The following UBE2R2 variants were observed in gnomAD, a reference collection of about 807,000 sequenced individuals.
UBE2R2 encodes the protein ubiquitin conjugating enzyme E2 R2, also known as ubiquitin-conjugating enzyme E2 R2.
A neutral mutation model predicts 27.8 loss-of-function variants in UBE2R2; 1 was observed. The observed-to-expected ratio is 0.04, with a 90% CI of 0.01 to 0.17. The LOEUF is 0.17. UBE2R2 is among the 10% of genes least tolerant of loss of function. The pLI is 1.00. For missense variants in UBE2R2, 100 were observed against 291.0 expected, an observed-to-expected ratio of 0.34 and a Z score of 4.78; for synonymous variants, 106 against 113.3, an observed-to-expected ratio of 0.94 and a Z score of 0.41.
At chr9:33,852,057 A>AAGGC (rs1820979822) in intron 1 of UBE2R2, among the ~76,000 whole-genome samples, 1 of 151,830 alleles carries the variant, frequency 6.6e-6, no homozygotes, top group African/African-American at 2.4e-5. Flanking sequence ...CAGGCCTGTA[A>AAGGC]TCCCAGCACT....
chr9:33,907,786 C>T (rs1349461852), intron 3 of UBE2R2, among the ~76,000 whole-genome samples: 1 of 151,306 alleles, frequency 6.6e-6, no homozygotes, highest in African/African-American at 2.4e-5. Context: ...ATTTTTTAAA[C>T]AAAAAAATGA....
chr9:33,917,957 A>AAG lies in UBE2R2; in HGVS notation c.*721_*722dup, dbSNP rs1163611294. 2 of 153,784 alleles carry AAG rather than the reference A, an allele frequency of 1.3e-5. No individual in the cohort carries two copies. The highest frequency in any genetic ancestry group is 2.9e-5 in the Non-Finnish European group (2 of 68,056). 9.5% of individuals were successfully genotyped at this position (153,784 alleles called of 1,614,324 possible). ...GTTTTTTGAAATCGATTGGGATCGA[A>AAG]AGCCTGAAATAAATATTCATACTTT... On this transcript the variant is annotated 3_prime_UTR_variant, in exon 5 of 5. Transcript: ENST00000263228.
chr9:33,847,856 A>G (rs1820881023), intron 1 of UBE2R2, among the ~76,000 whole-genome samples: 1 of 147,146 alleles, frequency 6.8e-6, no homozygotes, highest in Non-Finnish European at 1.5e-5. Context: ...TGTTTAATCC[A>G]TTCTGCTACT....
upstream of UBE2R2, among the ~76,000 whole-genome samples, chr9:33,815,876 A>C (rs560996529): frequency 5.3e-5 from 8 of 152,310 alleles, no homozygotes; most frequent in East Asian, 1.9e-4. Context: ...TAATCATTAC[A>C]ATTGCTTGTG....
At chr9:33,875,002 C>T (rs1821571690) in intron 1 of UBE2R2, among the ~76,000 whole-genome samples, 1 of 144,742 alleles carries the variant, frequency 6.9e-6, no homozygotes, top group African/African-American at 2.5e-5. Flanking sequence ...TTTGTTTTAC[C>T]TTTTTTTTTT....
upstream of UBE2R2, among the ~76,000 whole-genome samples, chr9:33,816,028 C>A (rs752184669): frequency 6.6e-6 from 1 of 151,992 alleles, no homozygotes; most frequent in Non-Finnish European, 1.5e-5. Flanking sequence ...GGGCCATGAT[C>A]GCGCCACTGT....
chr9:33,863,805 A>G (rs1358896947), intron 1 of UBE2R2, among the ~76,000 whole-genome samples: 1 of 151,990 alleles, frequency 6.6e-6, no homozygotes, highest in East Asian at 1.9e-4. Context: ...CTCCTGCCTC[A>G]GCCTCCTGAG....
intron 2 of UBE2R2, among the ~76,000 whole-genome samples, chr9:33,892,119 C>T (rs1822000121): frequency 6.6e-6 from 1 of 152,058 alleles, no homozygotes; most frequent in Non-Finnish European, 1.5e-5. Flanking sequence ...TTGTGCTGCA[C>T]AATCTATTTC....
At position 33,907,464 on chromosome 9, in the gene UBE2R2, C is replaced by T. The variant is rs938119715; in HGVS notation, c.363-4500C>T. Among the ~76,000 whole-genome samples, 4 of 152,220 alleles carry T rather than the reference C, an allele frequency of 2.6e-5. No individual in the cohort carries two copies. The East Asian group carries it at 7.7e-4, about 29-fold the overall frequency. On this transcript the variant is annotated intron_variant, in intron 3 of 4. Coordinates refer to ENST00000263228, the MANE Select transcript of UBE2R2 (RefSeq NM_017811.4). ...GGAATTGTGTAATGAACCACAGAGA[C>T]TAAGAACTCTCTGGCCCTCATTCTT...
chr9:33,821,565 A>G (rs1825982024), intron 1 of UBE2R2, among the ~76,000 whole-genome samples: 1 of 152,142 alleles, frequency 6.6e-6, no homozygotes, highest in South Asian at 2.1e-4. Flanking sequence ...GCATTATAGC[A>G]GTGAGTCTAG....
intron 1 of UBE2R2, among the ~76,000 whole-genome samples, chr9:33,865,722 GTCATAC>G (rs1821345735): frequency 6.6e-6 from 1 of 151,818 alleles, no homozygotes; most frequent in Non-Finnish European, 1.5e-5. Context: ...GTTGAACCAT[GTCATAC>G]ACCATTATTA....
chr9:33,848,712 C>T (rs543264211), intron 1 of UBE2R2, among the ~76,000 whole-genome samples: 4 of 151,910 alleles, frequency 2.6e-5, no homozygotes, highest in African/African-American at 4.8e-5. Flanking sequence ...AGCAATTCTC[C>T]TGCCTTAGCC....
At chr9:33,868,107 G>A (rs1396887686) in intron 1 of UBE2R2, among the ~76,000 whole-genome samples, 1 of 152,182 alleles carries the variant, frequency 6.6e-6, no homozygotes, top group Non-Finnish European at 1.5e-5. Flanking sequence ...GGGATGGGAA[G>A]GTGATCTTTC....
chr9:33,835,003 AGT>A (rs1351976880), intron 1 of UBE2R2, among the ~76,000 whole-genome samples: 1 of 152,124 alleles, frequency 6.6e-6, no homozygotes, highest in Non-Finnish European at 1.5e-5. Context: ...CATTTCCCAG[AGT>A]AATGAGTATT....
chr9:33,880,045 C>G (rs1038800483), intron 1 of UBE2R2, among the ~76,000 whole-genome samples: 3 of 151,644 alleles, frequency 2.0e-5, no homozygotes, highest in African/African-American at 4.8e-5. Context: ...ACCATCATGG[C>G]TGGCAACTTT....
At chr9:33,852,608 G>A (rs1055952130) in intron 1 of UBE2R2, among the ~76,000 whole-genome samples, 11 of 152,188 alleles carry the variant, frequency 7.2e-5, no homozygotes, top group African/African-American at 2.7e-4. Context: ...TCTAAGACAG[G>A]TGGCCTATTT....
intron 1 of UBE2R2, among the ~76,000 whole-genome samples, chr9:33,830,158 A>ATTTTTT (rs34007720): frequency 7.4e-6 from 1 of 135,376 alleles, no homozygotes; most frequent in African/African-American, 2.7e-5. Flanking sequence ...AAGTTTCATA[A>ATTTTTT]TTTTTTTTTT....
intron 1 of UBE2R2, among the ~76,000 whole-genome samples, chr9:33,852,340 T>A (rs1210938011): frequency 6.6e-6 from 1 of 152,130 alleles, no homozygotes; most frequent in African/African-American, 2.4e-5. Context: ...CTAGTGTTAT[T>A]TCTAGCTGGC....
At chr9:33,843,198 G>A (rs537873324) in intron 1 of UBE2R2, among the ~76,000 whole-genome samples, 9 of 151,770 alleles carry the variant, frequency 5.9e-5, no homozygotes, top group African/African-American at 1.7e-4. Flanking sequence ...ACAGACATGC[G>A]CCATCCCGCC....
Sources: allele counts gnomAD v4.1 joint callset (sites outside exome capture counted in the v4.1 genomes callset), GRCh38; gene constraint gnomAD v4.1.1; transcripts MANE v1.5; gene names NCBI Gene and HGNC (gene_info 2026-07-23, HGNC 2026-07-21).